Variants in PAPPA observed in about 807,000 individuals in gnomAD.
PAPPA encodes the protein pappalysin-1.
A neutral mutation model predicts 164.0 loss-of-function variants in PAPPA; 60 were observed. The observed-to-expected ratio is 0.37, with a 90% CI of 0.30 to 0.45. The LOEUF (loss-of-function observed/expected upper bound fraction) is 0.45, where lower values mean the gene tolerates loss of function less well. Ranked by LOEUF, PAPPA falls within the 20% of genes least tolerant of loss-of-function variation. The pLI is 1.00. For missense variants in PAPPA, 1,782 were observed against 2,087.3 expected (o/e 0.85, Z 2.85); for synonymous variants, 875 against 814.1 (o/e 1.07, Z -1.27).
At chr9:116,293,937 C>A (rs1258766153) in intron 9 of PAPPA, among the ~76,000 whole-genome samples, 2 of 151,966 alleles carry the variant, frequency 1.3e-5, no homozygotes, top group Non-Finnish European at 2.9e-5. Context: ...GCAACAAGAG[C>A]AAAACTCTGT....
intron 1 of PAPPA, among the ~76,000 whole-genome samples, chr9:116,162,141 A>T (rs988245188): frequency 6.6e-6 from 1 of 152,196 alleles, no homozygotes; most frequent in Non-Finnish European, 1.5e-5. Flanking sequence ...GAGCCTTAGG[A>T]GGAGCATGGA....
chr9:116,367,484 G>A (rs945871867), intron 18 of PAPPA, among the ~76,000 whole-genome samples, 161 bp from the exon 19 acceptor site: 9 of 152,198 alleles, frequency 5.9e-5, no homozygotes, highest in African/African-American at 2.2e-4. Flanking sequence ...GGAGAACAGA[G>A]GTGGCCCTGC....
intron 2 of PAPPA, among the ~76,000 whole-genome samples, chr9:116,191,100 A>G (rs1281697890): frequency 6.6e-6 from 1 of 152,246 alleles, no homozygotes; most frequent in Non-Finnish European, 1.5e-5. Flanking sequence ...TGGTCATGAC[A>G]CATACACTTC....
chr9:116,353,888 T>C (rs1017292578), intron 17 of PAPPA, 95 bp downstream of exon 17: 8 of 836,426 alleles, frequency 9.6e-6, no homozygotes, highest in African/African-American at 1.7e-5. Flanking sequence ...TTCTGCACTT[T>C]TGTAATCTCT....
intron 10 of PAPPA, among the ~76,000 whole-genome samples, chr9:116,311,517 G>A (rs1845717418): frequency 6.6e-6 from 1 of 152,134 alleles, no homozygotes; most frequent in Non-Finnish European, 1.5e-5. Context: ...GGCATTTGGG[G>A]GAAGCTTTAA....
At chr9:116,193,473 T>C (rs1394740832) in intron 2 of PAPPA, among the ~76,000 whole-genome samples, 2 of 152,138 alleles carry the variant, frequency 1.3e-5, no homozygotes, top group African/African-American at 4.8e-5. Context: ...TCCAGTACTT[T>C]CTTGCTGCAG....
intron 10 of PAPPA, among the ~76,000 whole-genome samples, chr9:116,310,854 T>C (rs918897616): frequency 1.3e-5 from 2 of 152,192 alleles, no homozygotes; most frequent in African/African-American, 2.4e-5. Flanking sequence ...AAGTCAGTTC[T>C]CTTTGCCCCC....
chr9:116,357,226 G>A (rs1846365755), intron 17 of PAPPA, among the ~76,000 whole-genome samples: 1 of 152,210 alleles, frequency 6.6e-6, no homozygotes, highest in African/African-American at 2.4e-5. Context: ...TGCAGCAAAT[G>A]AGCAACAAAA....
At chr9:116,355,667 G>A (rs1181452556) in intron 17 of PAPPA, among the ~76,000 whole-genome samples, 2 of 152,198 alleles carry the variant, frequency 1.3e-5, no homozygotes, top group African/African-American at 2.4e-5. Flanking sequence ...TCTGGCTGCG[G>A]TCATGTTATC....
chr9:116,205,595 G>T (rs1844225111), intron 2 of PAPPA, among the ~76,000 whole-genome samples: 2 of 152,104 alleles, frequency 1.3e-5, no homozygotes, highest in South Asian at 2.1e-4. Context: ...TGTGGGAAGG[G>T]TTGGACACAT....
Position 116,377,447 on chromosome 9 carries a change from T to TTA in PAPPA, c.4606-129_4606-128insTA. Reference sequence around the variant, plus strand: ...CAAGTACCCGGGCAAGTTCTCCATGTAAAAGCCAGGGTGAGGTCAGGAATT... The same window carrying TTA: ...CAAGTACCCGGGCAAGTTCTCCATGTTAAAAAGCCAGGGTGAGGTCAGGAATT... On this transcript the variant is annotated intron_variant, in intron 19 of 21. Transcript: ENST00000328252. 4 of 630,024 alleles carry TTA rather than the reference T, an allele frequency of 6.3e-6. No individual in the cohort carries two copies. In the South Asian group the frequency reaches 7.9e-5, roughly 12 times the overall value. 39.0% of individuals were successfully genotyped at this position (630,024 alleles called of 1,614,324 possible).
chr9:116,320,253 G>A (rs561288329), intron 10 of PAPPA, among the ~76,000 whole-genome samples: 68 of 152,294 alleles, frequency 4.5e-4, no homozygotes, highest in African/African-American at 1.5e-3. Flanking sequence ...AGACTTGTGG[G>A]GAGGTGCCAG....
At chr9:116,211,044 A>G (rs931660735) in intron 3 of PAPPA, among the ~76,000 whole-genome samples, 1 of 152,380 alleles carries the variant, frequency 6.6e-6, no homozygotes, top group East Asian at 1.9e-4. Context: ...CTCAAGTGAC[A>G]TTAGCTAGTA....
At chr9:116,377,260 TG>T (rs1433144322) in intron 19 of PAPPA, among the ~76,000 whole-genome samples, 2 of 151,730 alleles carry the variant, frequency 1.3e-5, no homozygotes, top group African/African-American at 4.9e-5. Flanking sequence ...ACTCCACGAA[TG>T]GGTCGAATAT....
At chr9:116,188,369 T>C (rs1844003605) in intron 2 of PAPPA, among the ~76,000 whole-genome samples, 153 bp downstream of exon 2, 1 of 152,172 alleles carries the variant, frequency 6.6e-6, no homozygotes, top group Admixed American at 6.5e-5. Context: ...ACTCGGGTCA[T>C]TGTGGAGACC....
chr9:116,345,933 A>G (rs1846201930), intron 14 of PAPPA, among the ~76,000 whole-genome samples: 1 of 152,156 alleles, frequency 6.6e-6, no homozygotes, highest in South Asian at 2.1e-4. Flanking sequence ...TTTGCCTTCA[A>G]ACTGCAAGCA....
At chr9:116,316,539 G>T (rs1266547171) in intron 10 of PAPPA, 1 of 152,222 alleles carries the variant, frequency 6.6e-6, no homozygotes, top group Non-Finnish European at 1.5e-5. Context: ...GTTCCTCAGA[G>T]AACCCTGCTG....
intron 19 of PAPPA, among the ~76,000 whole-genome samples, chr9:116,372,815 C>T (rs1255427664): frequency 6.6e-6 from 1 of 152,108 alleles, no homozygotes; most frequent in East Asian, 1.9e-4. Context: ...GTTTGCTAGG[C>T]AATTCTATAT....
rs141184678 is a variant in PAPPA, at chr9:116,358,279, C to T, written c.4348-4313C>T. Among the ~76,000 whole-genome samples, 41 of 152,350 alleles carry T rather than the reference C, an allele frequency of 2.7e-4. No homozygotes were observed. The East Asian group carries it at 7.9e-3, about 29-fold the overall frequency. On this transcript the variant is annotated intron_variant, in intron 17 of 21. Transcript: ENST00000328252. ...AAACTACGTCACTTTGCAATTCACA[C>T]TTTCCACTCATCCTCCCTTGTGGGG... is the stretch of plus-strand genomic sequence containing the variant.
Sources: gnomAD v4.1 joint callset for allele counts (sites outside exome capture counted in the v4.1 genomes callset) on GRCh38, gnomAD v4.1.1 for gene constraint, MANE v1.5 for transcripts, NCBI Gene and HGNC (gene_info 2026-07-23, HGNC 2026-07-21) for gene names.